Variants in CLEC16A observed in about 807,000 individuals in gnomAD.
CLEC16A encodes C-type lectin domain containing 16A.
A neutral mutation model predicts 109.5 loss-of-function variants in CLEC16A; 51 were observed. The observed-to-expected ratio is 0.47, with a 90% CI of 0.37 to 0.59. CLEC16A has a LOEUF of 0.59. CLEC16A is among the 20% of genes least tolerant of loss of function. The probability of loss-of-function intolerance (pLI) is 0.00; values close to 1 mark genes in which losing one functional copy is unlikely to be tolerated. For synonymous variants in CLEC16A, 673 were observed against 564.2 expected (o/e 1.19, Z -2.73); for missense variants, 1,339 against 1,394.0 (o/e 0.96, Z 0.63).
At chr16:11,014,088 C>T (rs975933865) in intron 11 of CLEC16A, among the ~76,000 whole-genome samples, 1 of 152,226 alleles carries the variant, frequency 6.6e-6, no homozygotes, top group Non-Finnish European at 1.5e-5. Context: ...CTCCCTTCCA[C>T]TTAATTCCTG....
At chr16:11,066,290 A>G (rs1444730743) in intron 19 of CLEC16A, among the ~76,000 whole-genome samples, 2 of 152,098 alleles carry the variant, frequency 1.3e-5, no homozygotes, top group Non-Finnish European at 2.9e-5. Context: ...TAGTGGGCAA[A>G]GAGGGACGGG....
intron 18 of CLEC16A, among the ~76,000 whole-genome samples, chr16:11,055,354 C>G (rs2152891768): frequency 6.6e-6 from 1 of 152,024 alleles, no homozygotes; most frequent in Non-Finnish European, 1.5e-5. Flanking sequence ...TGAGCTGAAA[C>G]CTGGAGCATG....
intron 22 of CLEC16A, among the ~76,000 whole-genome samples, chr16:11,146,663 G>A (rs1245770444): frequency 6.6e-6 from 1 of 151,096 alleles, no homozygotes; most frequent in African/African-American, 2.4e-5. Flanking sequence ...ATAGAAGCCT[G>A]GATAGATAGA....
At chr16:10,951,656 T>C (rs77390439) in intron 1 of CLEC16A, among the ~76,000 whole-genome samples, 1 of 152,334 alleles carries the variant, frequency 6.6e-6, no homozygotes, top group Non-Finnish European at 1.5e-5. Flanking sequence ...AGACTGGCAG[T>C]AATAGGAAGC....
At chr16:11,045,068 T>C (rs993394442) in intron 16 of CLEC16A, among the ~76,000 whole-genome samples, 1 of 151,952 alleles carries the variant, frequency 6.6e-6, no homozygotes, top group Non-Finnish European at 1.5e-5. Flanking sequence ...GGGCCGGGCA[T>C]GGTGGCTCAT....
intron 19 of CLEC16A, among the ~76,000 whole-genome samples, chr16:11,109,327 T>A (rs1374110675): frequency 6.6e-6 from 1 of 152,016 alleles, no homozygotes. Flanking sequence ...CTAATTTTTT[T>A]ATTATTTGTA....
At chr16:11,057,232 A>G (rs942064861) in intron 18 of CLEC16A, among the ~76,000 whole-genome samples, 3 of 152,224 alleles carry the variant, frequency 2.0e-5, no homozygotes, top group Non-Finnish European at 2.9e-5. Context: ...TCACAGCTAC[A>G]TGGCCTCAGT....
chr16:10,968,282 A>G (rs1567516911), intron 3 of CLEC16A, among the ~76,000 whole-genome samples: 1 of 152,260 alleles, frequency 6.6e-6, no homozygotes, highest in African/African-American at 2.4e-5. Context: ...CGGCCAGCAC[A>G]GCTTTAAAAG....
intron 12 of CLEC16A, 45 bp from the exon 13 acceptor site, chr16:11,024,776 C>T (rs144847155): frequency 2.4e-5 from 35 of 1,463,786 alleles, no homozygotes; most frequent in Middle Eastern, 2.1e-4. Flanking sequence ...GAGGTGTTCA[C>T]CCTTGTGCAC....
chr16:11,050,364 C>T (rs2047875857), intron 17 of CLEC16A, among the ~76,000 whole-genome samples: 1 of 152,210 alleles, frequency 6.6e-6, no homozygotes, highest in Non-Finnish European at 1.5e-5. Context: ...GGTATCTGGG[C>T]CACTGAGCCC....
chr16:11,163,665 T>C (rs1290301312), intron 22 of CLEC16A, among the ~76,000 whole-genome samples: 1 of 152,228 alleles, frequency 6.6e-6, no homozygotes, highest in Non-Finnish European at 1.5e-5. Context: ...AGGTTTATGA[T>C]GCTGTAATAA....
At chr16:11,143,901 C>A (rs1236060324) in intron 22 of CLEC16A, among the ~76,000 whole-genome samples, 2 of 152,188 alleles carry the variant, frequency 1.3e-5, no homozygotes. Flanking sequence ...CCTGGCTTGG[C>A]CTGACCCTGG....
intron 22 of CLEC16A, among the ~76,000 whole-genome samples, chr16:11,128,424 G>A (rs535792238): frequency 6.6e-6 from 1 of 152,346 alleles, no homozygotes; most frequent in African/African-American, 2.4e-5. Context: ...CCTGTTGCTG[G>A]TCCCAGGGTC....
At chr16:11,024,186 C>G (rs947698843) in intron 12 of CLEC16A, 60 of 152,412 alleles carry the variant, frequency 3.9e-4, no homozygotes, top group African/African-American at 1.3e-3. Flanking sequence ...GCATTGGCAC[C>G]GTCCACAGTG....
At chr16:11,145,046 C>T (rs986094145) in intron 22 of CLEC16A, among the ~76,000 whole-genome samples, 40 of 152,216 alleles carry the variant, frequency 2.6e-4, no homozygotes, top group Non-Finnish European at 4.4e-4. Context: ...GGGGAATGAG[C>T]GGGCTGTGAA....
chr16:11,178,202 C>CTGAG lies in CLEC16A; in HGVS notation c.2807-132_2807-129dup, dbSNP rs1796165529. ...CCCAAAAGGAGTGAGTGGAGCCACG[C>CTGAG]TGAGCCCTCACGCCAGCCAGCCACC... On this transcript the variant is annotated intron_variant, in intron 23 of 23. Transcript: ENST00000409790. This position sits in a 1 kb window ranked among gnomAD's most constrained non-coding sequence, Gnocchi z 6.5. 1.4e-6 allele frequency: 1 copy of CTGAG among 738,894 alleles called. No homozygotes were observed. The highest frequency in any genetic ancestry group is 2.4e-5 in the Admixed American group (1 of 40,916). 45.8% of individuals were successfully genotyped at this position (738,894 alleles called of 1,614,324 possible).
chr16:11,120,844 C>A, intron 20 of CLEC16A, 78 bp downstream of exon 20: 1 of 1,123,186 alleles, frequency 8.9e-7, no homozygotes, highest in Non-Finnish European at 1.2e-6. Flanking sequence ...ACACACCACA[C>A]ACAATTGTCA....
intron 19 of CLEC16A, among the ~76,000 whole-genome samples, chr16:11,110,623 C>G (rs1057395292): frequency 6.6e-6 from 1 of 152,134 alleles, no homozygotes; most frequent in Non-Finnish European, 1.5e-5. Flanking sequence ...ATGGCACTTC[C>G]GAGCAATTTG....
intron 17 of CLEC16A, among the ~76,000 whole-genome samples, chr16:11,050,376 C>T (rs182677157): frequency 3.5e-4 from 54 of 152,314 alleles, no homozygotes; most frequent in Non-Finnish European, 4.1e-4. Flanking sequence ...ACTGAGCCCT[C>T]GCTACATCCC....
Sources: gnomAD v4.1 joint callset for allele counts (sites outside exome capture counted in the v4.1 genomes callset) on GRCh38, gnomAD v4.1.1 for gene constraint, Gnocchi (gnomAD v3.1) non-coding constraint, MANE v1.5 for transcripts, NCBI Gene and HGNC (gene_info 2026-07-23, HGNC 2026-07-21) for gene names.